Variants in ADORA2A observed in about 807,000 individuals in gnomAD.
The protein encoded by ADORA2A is adenosine receptor A2a.
ADORA2A carries 11 observed loss-of-function variants against 18.4 expected under a neutral mutation model. That is an observed-to-expected ratio of 0.60 (90% CI 0.38 to 0.99). The LOEUF is 0.99. Among genes scored for constraint, ADORA2A ranks in the 50% least tolerant of loss-of-function variants. The probability of loss-of-function intolerance (pLI) is 0.01; values close to 1 mark genes in which losing one functional copy is unlikely to be tolerated. For synonymous variants in ADORA2A, 218 were observed against 237.3 expected (o/e 0.92, Z 0.75); for missense variants, 449 against 556.1 (o/e 0.81, Z 1.94).
At chr22:24,437,155 C>T (rs947748795) in intron 2 of ADORA2A, among the ~76,000 whole-genome samples, 7 of 152,292 alleles carry the variant, frequency 4.6e-5, no homozygotes, top group African/African-American at 1.7e-4. Context: ...AGGGTGAGCC[C>T]CCAGTGTGGG....
In ADORA2A at chr22:24,441,567, AAG is replaced by A; in HGVS notation, c.*87_*88del. On this transcript the variant is annotated 3_prime_UTR_variant, in exon 3 of 3. Transcript: ENST00000337539. ...TTGGCTTGACCAGTCACGTTGGGAG[AAG>A]AGAGAGAGTGCCAGGAGACCCTGAG... The A allele has an allele frequency of 3.6e-6, 5 of 1,384,100 alleles. No homozygotes were observed. Among genetic ancestry groups the A allele is most frequent in the Non-Finnish European group, 4.7e-6 (5 of 1,058,716 alleles). The allele number at this position is 1,384,100 out of a possible 1,614,324, so 85.7% of individuals were successfully genotyped here. A position where few individuals can be genotyped will look rare whatever the true frequency, so the allele number is the denominator to read the frequency against.
At position 24,441,341 on chromosome 22, in the gene ADORA2A, G is replaced by A. The variant is rs1177126362; in HGVS notation, c.1091G>A (p.Gly364Glu). ...CGGAGGCCCAATGGCTATGCCCTGG[G>A]GCTGGTGAGTGGAGGGAGTGCCCAA... ...PERRPNGYAL[G>E]LVSGGSAQES... The change falls in exon 3 of 3, where the codon GGG (glycine) becomes GAG (glutamate). Residue 364 changes from glycine (G) to glutamate (E), a missense_variant. Transcript: ENST00000337539. 2.5e-6 allele frequency: 4 copies of A among 1,596,828 alleles called. No homozygotes were observed. The highest frequency in any genetic ancestry group is 2.3e-5 in the South Asian group (2 of 88,874).
intron 2 of ADORA2A, among the ~76,000 whole-genome samples, chr22:24,436,324 C>CCGTG (rs2043177817): frequency 2.0e-5 from 3 of 152,304 alleles, no homozygotes; most frequent in Admixed American, 2.0e-4. Flanking sequence ...CCTCTACGTG[C>CCGTG]CGTTTCCTGC....
intron 2 of ADORA2A, among the ~76,000 whole-genome samples, chr22:24,434,735 G>C (rs935558981): frequency 3.3e-5 from 5 of 152,220 alleles, no homozygotes; most frequent in African/African-American, 1.2e-4. Flanking sequence ...AGCCACAGCA[G>C]GTTGAGGGTG....
chr22:24,427,122 A>T (rs2042926786), upstream of ADORA2A, among the ~76,000 whole-genome samples: 1 of 152,108 alleles, frequency 6.6e-6, no homozygotes, highest in South Asian at 2.1e-4. Context: ...TCTGGGCAGG[A>T]GACTTCTCCC....
Position 24,433,322 on chromosome 22 carries a change from C to G in ADORA2A, c.-83C>G. On this transcript the variant is annotated 5_prime_UTR_variant, in exon 2 of 3. Coordinates refer to ENST00000337539, the MANE Select transcript of ADORA2A (RefSeq NM_000675.6). ...CCCTCCGCCTGGGCCGGGCTGGGAG[C>G]CAGGCGGGCGGCTGGGCTGCAGCAA... 1 of 1,382,260 alleles carries G rather than the reference C, an allele frequency of 7.2e-7. No homozygotes were observed. The highest frequency in any genetic ancestry group is 9.8e-7 in the Non-Finnish European group (1 of 1,018,180). 85.6% of individuals were successfully genotyped at this position (1,382,260 alleles called of 1,614,324 possible).
chr22:24,434,388 T>C (rs1012643762), intron 2 of ADORA2A, among the ~76,000 whole-genome samples: 1 of 152,242 alleles, frequency 6.6e-6, no homozygotes, highest in Non-Finnish European at 1.5e-5. Flanking sequence ...GGGCTGGCTG[T>C]TGGAGGGGAT....
intron 2 of ADORA2A, among the ~76,000 whole-genome samples, chr22:24,437,598 T>C (rs911563090): frequency 6.6e-6 from 1 of 152,086 alleles, no homozygotes; most frequent in African/African-American, 2.4e-5. Context: ...CAAAAGAGTA[T>C]AGTATAGTAG....
At chr22:24,435,114 A>C (rs1290637325) in intron 2 of ADORA2A, among the ~76,000 whole-genome samples, 1 of 152,192 alleles carries the variant, frequency 6.6e-6, no homozygotes, top group Non-Finnish European at 1.5e-5. Flanking sequence ...GATGCTCTCT[A>C]TCCCAGGAGA....
rs750761186 is a variant in ADORA2A, at chr22:24,433,607, C to T, written c.203C>T (p.Thr68Ile). The change falls in exon 2 of 3, where the codon ACC becomes ATC. Residue 68 changes from threonine (T) to isoleucine (I), a missense_variant. Physicochemically the swap from Thr to Ile is moderately conservative, Grantham distance 89. Transcript: ENST00000337539. ...ATCCCCTTTGCCATCACCATCAGCACCGGGTTCTGCGCTGCCTGCCACGGC... is the reference window on the plus strand; with the variant it reads ...ATCCCCTTTGCCATCACCATCAGCATCGGGTTCTGCGCTGCCTGCCACGGC... ...LAIPFAITIS[T>I]GFCAACHGCL... 11 of 1,613,982 alleles carry T rather than the reference C, an allele frequency of 6.8e-6. No homozygotes were observed. The highest frequency in any genetic ancestry group is 7.6e-6 in the Non-Finnish European group (9 of 1,180,060).
At chr22:24,435,626 A>G (rs1303808137) in intron 2 of ADORA2A, among the ~76,000 whole-genome samples, 1 of 152,170 alleles carries the variant, frequency 6.6e-6, no homozygotes, top group Non-Finnish European at 1.5e-5. Flanking sequence ...TCCATAAAAT[A>G]GGACAAGTCT....
chr22:24,429,688 T>A (rs947710358), intron 1 of ADORA2A: 2 of 152,194 alleles, frequency 1.3e-5, no homozygotes, highest in African/African-American at 4.8e-5. Context: ...CTGAGAGAGG[T>A]CGCTTCGTGC....
In ADORA2A at chr22:24,440,821, C is replaced by T; in HGVS notation, c.571C>T (p.Leu191=). 1.2e-6 allele frequency: 2 copies of T among 1,614,236 alleles called. No homozygotes were observed. Among genetic ancestry groups the T allele is most frequent in the Non-Finnish European group, 1.7e-6 (2 of 1,180,042 alleles). ...CTTTGCCTGTGTGCTGGTGCCCCTG[C>T]TGCTCATGCTGGGTGTCTATTTGCG... The part of the protein sequence containing the change: ...NFFACVLVPL[L]LMLGVYLRIF... Residue 191 remains leucine, a synonymous_variant, in exon 3 of 3, where the codon CTG becomes TTG. Transcript: ENST00000337539.
chr22:24,425,335 G>GCCCCCCCCCC (rs1161639556), upstream of ADORA2A, among the ~76,000 whole-genome samples: 1 of 54,484 alleles, frequency 1.8e-5, no homozygotes, highest in African/African-American at 7.8e-5. Context: ...CCTGTGGGCA[G>GCCCCCCCCCC]CACCCCCCCC....
In ADORA2A at chr22:24,441,166, C is replaced by T. The variant is rs878978641; in HGVS notation, c.916C>T (p.His306Tyr). The change falls in exon 3 of 3, where the codon CAC (histidine) becomes TAC (tyrosine). Residue 306 changes from histidine to tyrosine, a missense_variant. His to Tyr is a moderately conservative substitution (Grantham distance 83). Coordinates refer to ENST00000337539, the MANE Select transcript of ADORA2A (RefSeq NM_000675.6). ...GACCTTCCGCAAGATCATTCGCAGC[C>T]ACGTCCTGAGGCAGCAAGAACCTTT... ...RQTFRKIIRS[H>Y]VLRQQEPFKA... 2 of 1,614,222 alleles carry T rather than the reference C, an allele frequency of 1.2e-6. No individual in the cohort carries two copies. The highest frequency in any genetic ancestry group is 1.1e-5 in the South Asian group (1 of 91,092).
chr22:24,425,321 G>A (rs991864390), upstream of ADORA2A, among the ~76,000 whole-genome samples: 2 of 148,382 alleles, frequency 1.3e-5, no homozygotes, highest in East Asian at 2.0e-4. Context: ...TGGGAAGGCC[G>A]GGCCCTGTGG....
At chr22:24,426,666 A>C (rs913222940), upstream of ADORA2A, among the ~76,000 whole-genome samples, 4 of 152,206 alleles carry the variant, frequency 2.6e-5, no homozygotes, top group South Asian at 2.1e-4. Flanking sequence ...ATGGCGGAGG[A>C]GGCCTGGGCC....
At chr22:24,430,613 C>T (rs763295327) in intron 1 of ADORA2A, among the ~76,000 whole-genome samples, 6 of 152,174 alleles carry the variant, frequency 3.9e-5, no homozygotes, top group East Asian at 1.9e-4. Context: ...GTGAGGCAGG[C>T]GCCGATGATT....
intron 2 of ADORA2A, chr22:24,439,519 G>C (rs2043278758): frequency 1.3e-5 from 2 of 152,204 alleles, no homozygotes; most frequent in Non-Finnish European, 2.9e-5. Flanking sequence ...GATGGGTAGG[G>C]TTTCTGCCAG....
Sources: gnomAD v4.1 joint callset for allele counts (sites outside exome capture counted in the v4.1 genomes callset) on GRCh38, gnomAD v4.1.1 for gene constraint, MANE v1.5 for transcripts, NCBI Gene and HGNC (gene_info 2026-07-23, HGNC 2026-07-21) for gene names.